RBMS3: variants seen among roughly 807,000 people sequenced by gnomAD.
RBMS3 encodes RNA binding motif single stranded interacting protein 3.
RBMS3 carries 27 observed loss-of-function variants against 66.8 expected under a neutral mutation model. That is an observed-to-expected ratio of 0.40 (90% confidence interval 0.30 to 0.56). The LOEUF is 0.56. RBMS3 is among the 20% of genes least tolerant of loss of function. The probability of loss-of-function intolerance (pLI) is 0.40; values close to 1 mark genes in which losing one functional copy is unlikely to be tolerated. For missense variants in RBMS3, 513 were observed against 549.5 expected (o/e 0.93, Z 0.66); for synonymous variants, 188 against 183.0 (o/e 1.03, Z -0.22).
intron 1 of RBMS3, among the ~76,000 whole-genome samples, chr3:29,413,613 A>G (rs1341261431): frequency 2.0e-5 from 3 of 152,226 alleles, no homozygotes; most frequent in Non-Finnish European, 2.9e-5. Flanking sequence ...AAACAATGGT[A>G]CAGTAGGATT....
chr3:29,585,230 A>G (rs1472476716), intron 3 of RBMS3, among the ~76,000 whole-genome samples: 1 of 152,152 alleles, frequency 6.6e-6, no homozygotes, highest in Non-Finnish European at 1.5e-5. Context: ...TCCCATGTCA[A>G]TCTCATCTTA....
chr3:29,929,084 A>G (rs2061034919), intron 10 of RBMS3, among the ~76,000 whole-genome samples: 1 of 152,232 alleles, frequency 6.6e-6, no homozygotes, highest in African/African-American at 2.4e-5. Context: ...CCATCTGTGT[A>G]AGAAATTTAT....
At chr3:29,965,964 C>G (rs902424215) in intron 12 of RBMS3, among the ~76,000 whole-genome samples, 4 of 152,150 alleles carry the variant, frequency 2.6e-5, no homozygotes, top group Non-Finnish European at 5.9e-5. Flanking sequence ...ATTATCCCAG[C>G]ACCATTTGTT....
At chr3:29,829,538 T>C (rs1576932154) in intron 6 of RBMS3, among the ~76,000 whole-genome samples, 1 of 152,314 alleles carries the variant, frequency 6.6e-6, no homozygotes, top group Non-Finnish European at 1.5e-5. Flanking sequence ...AACAGTCTTC[T>C]TTTATCTTCA....
intron 4 of RBMS3, among the ~76,000 whole-genome samples, chr3:29,695,250 T>G (rs1239910618): frequency 6.6e-6 from 1 of 152,162 alleles, no homozygotes; most frequent in Non-Finnish European, 1.5e-5. Context: ...AACTAACAAA[T>G]TTTAAAATGG....
intron 2 of RBMS3, among the ~76,000 whole-genome samples, chr3:29,487,540 C>G (rs535900326): frequency 7.2e-5 from 11 of 152,180 alleles, no homozygotes; most frequent in African/African-American, 2.6e-4. Flanking sequence ...CCTTCCACTT[C>G]TCATCATTCT....
At chr3:29,619,536 A>G (rs2048795444) in intron 4 of RBMS3, among the ~76,000 whole-genome samples, 2 of 152,194 alleles carry the variant, frequency 1.3e-5, no homozygotes, top group Non-Finnish European at 1.5e-5. Context: ...CAATGTGGCA[A>G]TAGAGAAAGC....
chr3:29,566,184 C>G (rs2149057930), intron 3 of RBMS3, among the ~76,000 whole-genome samples: 1 of 152,126 alleles, frequency 6.6e-6, no homozygotes, highest in African/African-American at 2.4e-5. Context: ...GCACTTACAG[C>G]CTCTTAGGGT....
At chr3:29,819,142 A>G (rs1447472095) in intron 6 of RBMS3, among the ~76,000 whole-genome samples, 1 of 152,232 alleles carries the variant, frequency 6.6e-6, no homozygotes, top group African/African-American at 2.4e-5. Context: ...TCATCCGTCA[A>G]CAGAGGTAGC....
chr3:29,394,824 G>C (rs1424567128), intron 1 of RBMS3, among the ~76,000 whole-genome samples: 1 of 152,088 alleles, frequency 6.6e-6, no homozygotes, highest in East Asian at 1.9e-4. Flanking sequence ...GGTTCAGACT[G>C]CTTCAGCCAC....
In RBMS3 at chr3:29,482,993, G is replaced by A. The variant is rs187220549; in HGVS notation, c.249-5448G>A. Among the ~76,000 whole-genome samples the A allele has an allele frequency of 3.7e-3, 561 of 151,594 alleles. 3 individuals are homozygous for A. Among genetic ancestry groups the A allele is most frequent in the African/African-American group, 3.1e-3 (129 of 41,344 alleles). Reference sequence around the variant, plus strand: ...AGTACTGGGATTACAGACGTGAGCCGCCGCCCCCAGCCTACCATTTTCAAT... The same window carrying A: ...AGTACTGGGATTACAGACGTGAGCCACCGCCCCCAGCCTACCATTTTCAAT... On this transcript the variant is annotated intron_variant, in intron 2 of 14. Transcript: ENST00000383767.
intron 12 of RBMS3, among the ~76,000 whole-genome samples, chr3:29,958,467 GA>G (rs34587295): frequency 3.3e-5 from 5 of 150,968 alleles, no homozygotes; most frequent in Non-Finnish European, 5.9e-5. Context: ...CATTCATGCA[GA>G]AAAAAAAACT....
intron 8 of RBMS3, among the ~76,000 whole-genome samples, chr3:29,893,409 A>C (rs530477581): frequency 1.3e-5 from 2 of 151,520 alleles, no homozygotes; most frequent in East Asian, 3.9e-4. Flanking sequence ...TATTGCTTTC[A>C]TTTTTAATAC....
intron 4 of RBMS3, among the ~76,000 whole-genome samples, chr3:29,638,534 T>A (rs557766882): frequency 1.3e-5 from 2 of 151,998 alleles, no homozygotes; most frequent in African/African-American, 4.8e-5. Flanking sequence ...TTCATCACCA[T>A]CTTCTGTTAC....
intron 1 of RBMS3, among the ~76,000 whole-genome samples, chr3:29,414,772 G>T (rs975698458): frequency 1.3e-5 from 2 of 152,088 alleles, no homozygotes; most frequent in African/African-American, 4.8e-5. Flanking sequence ...CAAAAGTAAG[G>T]CAAAATATGA....
At chr3:29,605,973 T>G (rs536374274) in intron 4 of RBMS3, among the ~76,000 whole-genome samples, 1 of 151,802 alleles carries the variant, frequency 6.6e-6, no homozygotes, top group East Asian at 1.9e-4. Flanking sequence ...AGGTAGTTTT[T>G]TTTTTTTTTT....
intron 2 of RBMS3, among the ~76,000 whole-genome samples, chr3:29,465,542 ATT>A (rs34857596): frequency 7.3e-4 from 97 of 133,200 alleles, no homozygotes; most frequent in Admixed American, 2.3e-3. Flanking sequence ...ATGTGCCCTT[ATT>A]TTTTTTTTTT....
Position 29,928,211 on chromosome 3 carries a change from T to TACACACACAC in RBMS3, c.940-7859_940-7850dup, listed in dbSNP as rs1175604100. 2.6e-3 allele frequency among the ~76,000 whole-genome samples: 242 copies of TACACACACAC among 93,482 alleles called. 1 individual carries two copies. The highest frequency in any genetic ancestry group is 9.4e-3 in the African/African-American group (223 of 23,632). 61.3% of individuals were successfully genotyped at this position (93,482 alleles called of 152,430 possible). A position where few individuals can be genotyped will look rare whatever the true frequency, so the allele number is the denominator to read the frequency against. On this transcript the variant is annotated intron_variant, in intron 10 of 14. Coordinates refer to ENST00000383767, the MANE Select transcript of RBMS3 (RefSeq NM_001003793.3). The stretch of plus-strand genomic sequence containing the variant: ...ATATATATATATATATATATATATA[T>TACACACACAC]ACACACACACACACACACACACACA...
At chr3:29,976,481 C>A (rs1325356011) in intron 12 of RBMS3, among the ~76,000 whole-genome samples, 1 of 152,066 alleles carries the variant, frequency 6.6e-6, no homozygotes, top group African/African-American at 2.4e-5. Context: ...TACACTGTTA[C>A]TAGTCTGGAT....
Sources: gnomAD v4.1 joint callset for allele counts (sites outside exome capture counted in the v4.1 genomes callset) on GRCh38, gnomAD v4.1.1 for gene constraint, MANE v1.5 for transcripts, NCBI Gene and HGNC (gene_info 2026-07-23, HGNC 2026-07-21) for gene names.